Variants in HERC2 observed in about 807,000 individuals in gnomAD.
HERC2 encodes HECT and RLD domain containing E3 ubiquitin protein ligase 2.
Under a neutral mutation model 537.7 loss-of-function variants are expected in HERC2, and 102 were observed. That is an observed-to-expected ratio of 0.19 (90% CI 0.16 to 0.22). The LOEUF is 0.22. HERC2 is among the 10% of genes least tolerant of loss of function. The pLI, the probability that HERC2 is intolerant of heterozygous loss-of-function variation, is 1.00. For synonymous variants in HERC2, 2,224 were observed against 2,466.2 expected, an observed-to-expected ratio of 0.90 and a Z score of 2.91; for missense variants, 4,236 against 6,198.2, an observed-to-expected ratio of 0.68 and a Z score of 10.63.
intron 19 of HERC2, 88 bp downstream of exon 19, chr15:28,255,784 T>C (rs186666716): frequency 1.4e-4 from 196 of 1,382,304 alleles, no homozygotes; most frequent in Non-Finnish European, 1.9e-4. Context: ...TTTAGAGTTT[T>C]ACTGTTTTCA....
At chr15:28,118,521 T>G (rs1335611612) in intron 86 of HERC2, 1 of 152,228 alleles carries the variant, frequency 6.6e-6, no homozygotes, top group African/African-American at 2.4e-5. Context: ...TAAAAAAGTT[T>G]TTATGTAGTG....
Position 28,196,306 on chromosome 15 carries a change from G to C in HERC2, c.8169C>G (p.Cys2723Trp). 1 of 1,446,800 alleles carries C rather than the reference G, an allele frequency of 6.9e-7. No individual in the cohort carries two copies. Among genetic ancestry groups the C allele is most frequent in the Non-Finnish European group, 9.6e-7 (1 of 1,041,736 alleles). 89.6% of individuals were successfully genotyped at this position (1,446,800 alleles called of 1,614,324 possible). The change falls in exon 52 of 93, where the codon TGC becomes TGG. Residue 2723 changes from cysteine to tryptophan, a missense_variant. By Grantham distance (215) the Cys-to-Trp change is radical (BLOSUM62 -2). Around this residue, in one of 27 missense-constraint regions of HERC2, gnomAD observed 606 missense variants for 884.5 expected, o/e 0.69. Coordinates refer to ENST00000261609, the MANE Select transcript of HERC2 (RefSeq NM_004667.6). ...AAAAATCAAAGTCATCACAGTTTCTGCATTTGAATCTGGATCCATTGATAG... is the reference window on the plus strand; with the variant it reads ...AAAAATCAAAGTCATCACAGTTTCTCCATTTGAATCTGGATCCATTGATAG... ...MFPINGSRFK[C>W]RNCDDFDFCE...
At chr15:28,291,068 C>T (rs1464317393) in intron 4 of HERC2, among the ~76,000 whole-genome samples, 1 of 152,252 alleles carries the variant, frequency 6.6e-6, no homozygotes, top group Middle Eastern at 3.4e-3. Flanking sequence ...CTGATCCAAA[C>T]GGAAAGAGAG....
At position 28,121,439 on chromosome 15, in the gene HERC2, A is replaced by G; in HGVS notation, c.13189-10T>C. The G allele has an allele frequency of 6.2e-7, 1 of 1,607,376 alleles. No individual in the cohort carries two copies. The highest frequency in any genetic ancestry group is 1.1e-5 in the South Asian group (1 of 90,948). On this transcript the variant is annotated splice_polypyrimidine_tract_variant and intron_variant, in intron 85 of 92. Transcript: ENST00000261609. Reference sequence around the variant, plus strand: ...TCCGGAAAGCCGCCTCCTAAAACACATCAAACAGACAAAATTTAGAATCTG... The same window carrying G: ...TCCGGAAAGCCGCCTCCTAAAACACGTCAAACAGACAAAATTTAGAATCTG...
intron 2 of HERC2, among the ~76,000 whole-genome samples, chr15:28,304,929 T>C (rs1046250970): frequency 8.5e-5 from 12 of 141,740 alleles, no homozygotes; most frequent in African/African-American, 2.3e-4. Context: ...TGTGATCTCA[T>C]TGTTCAATTC....
intron 83 of HERC2, among the ~76,000 whole-genome samples, chr15:28,128,042 C>G (rs1268469310): frequency 6.6e-6 from 1 of 152,166 alleles, no homozygotes; most frequent in African/African-American, 2.4e-5. Flanking sequence ...CTGCATGTCA[C>G]CTGCAAGGAT....
intron 35 of HERC2, among the ~76,000 whole-genome samples, chr15:28,225,696 CAAAAAAAAAAA>C (rs35629645): frequency 5.1e-5 from 3 of 58,828 alleles, no homozygotes; most frequent in Non-Finnish European, 1.2e-4. Flanking sequence ...GACTCCGTCT[CAAAAAAAAAAA>C]AAAAAAAAGA....
chr15:28,262,948 G>A lies in HERC2; in HGVS notation c.2092C>T (p.Arg698Cys). The A allele has an allele frequency of 1.2e-6, 2 of 1,614,138 alleles. No homozygotes were observed. The highest frequency in any genetic ancestry group is 1.7e-6 in the Non-Finnish European group (2 of 1,179,998). Residue 698 changes from arginine to cysteine, a missense_variant, in exon 15 of 93, where the codon CGT (arginine) becomes TGT (cysteine). By Grantham distance (180) the Arg-to-Cys change is radical (BLOSUM62 -3). This residue lies in a region of HERC2 where 754 missense variants were observed against 1,085.0 expected (regional missense o/e 0.69). Transcript: ENST00000261609. ...AAGCCTTCTAAGAGTTTTGGATAAC[G>A]AACATGTTCCTCTGTTCCATGTCCA... Reference protein sequence around the residue: ...RLGHGTEEHVRYPKLLEGLQG... With the variant: ...RLGHGTEEHVCYPKLLEGLQG...
intron 20 of HERC2, among the ~76,000 whole-genome samples, chr15:28,249,603 C>T (rs567329651): frequency 6.6e-6 from 1 of 152,234 alleles, no homozygotes; most frequent in South Asian, 2.1e-4. Context: ...AATGCCAACC[C>T]ACCAAGGTTA....
intron 23 of HERC2, 40 bp downstream of exon 23, chr15:28,245,841 A>G (rs1903656796): frequency 3.2e-6 from 5 of 1,549,228 alleles, no homozygotes; most frequent in Non-Finnish European, 4.4e-6. Context: ...GACAAGGACA[A>G]TAAAACTTTC....
Position 28,215,806 on chromosome 15 carries a change from C to A in HERC2, c.6029-4G>T. On this transcript the variant is annotated splice_polypyrimidine_tract_variant and splice_region_variant and intron_variant, in intron 38 of 92. Coordinates refer to ENST00000261609, the MANE Select transcript of HERC2 (RefSeq NM_004667.6). ...TACACCAGCCTGTTTGGAGAAGCTGCAGGAGGGAAAATAGACATGCTTGGT... is the reference window on the plus strand; with the variant it reads ...TACACCAGCCTGTTTGGAGAAGCTGAAGGAGGGAAAATAGACATGCTTGGT... The A allele has an allele frequency of 6.3e-7, 1 of 1,584,036 alleles. No homozygotes were observed. The highest frequency in any genetic ancestry group is 8.6e-7 in the Non-Finnish European group (1 of 1,159,560).
In HERC2 at chr15:28,117,325, C is replaced by T. The variant is rs115860188; in HGVS notation, c.13273-171G>A. 827 of 737,038 alleles carry T rather than the reference C, an allele frequency of 1.1e-3. 10 individuals are homozygous for T. In the African/African-American group the frequency reaches 0.013, roughly 11 times the overall value. The allele number at this position is 737,038 out of a possible 1,614,324, so 45.7% of individuals were successfully genotyped here. On this transcript the variant is annotated intron_variant, in intron 86 of 92. Coordinates refer to ENST00000261609, the MANE Select transcript of HERC2 (RefSeq NM_004667.6). ...GGCAGACCCTGCCGTCTGGGGCGCT[C>T]GACTGTGGACACCCGAGACCGCTGC...
intron 4 of HERC2, among the ~76,000 whole-genome samples, chr15:28,281,452 A>G (rs1189156141): frequency 1.3e-5 from 2 of 152,178 alleles, no homozygotes; most frequent in African/African-American, 4.8e-5. Context: ...CCAGCCTCGC[A>G]GCCCTGGATC....
At chr15:28,282,991 T>C (rs2076062294) in intron 4 of HERC2, among the ~76,000 whole-genome samples, 2 of 119,576 alleles carry the variant, frequency 1.7e-5, no homozygotes, top group Non-Finnish European at 3.2e-5. Flanking sequence ...CGGGACTGGA[T>C]GGGACGGGAT....
intron 20 of HERC2, among the ~76,000 whole-genome samples, chr15:28,250,002 A>G (rs1904129572): frequency 6.6e-6 from 1 of 152,120 alleles, no homozygotes; most frequent in Non-Finnish European, 1.5e-5. Context: ...CAGACAGGAC[A>G]TGGGAACACG....
At chr15:28,165,895 C>T (rs1213419148) in intron 68 of HERC2, among the ~76,000 whole-genome samples, 1 of 152,198 alleles carries the variant, frequency 6.6e-6, no homozygotes, top group Non-Finnish European at 1.5e-5. Flanking sequence ...GCAACAAGCA[C>T]ACAAAGGGCC....
At chr15:28,306,246 T>C (rs569566970) in intron 2 of HERC2, among the ~76,000 whole-genome samples, 33 of 152,374 alleles carry the variant, frequency 2.2e-4, no homozygotes, top group Non-Finnish European at 4.3e-4. Flanking sequence ...GTGTTCCTTC[T>C]ATAACCAGTT....
rs556347296 is a variant in HERC2 at position 28,313,664 on chromosome 15, C to A, written c.72+7698G>T. ...AAGGTATATGGCTTTTTTTCTTAAA[C>A]CTACAGAAAAATACTAAACATCTAT... On this transcript the variant is annotated intron_variant, in intron 2 of 92. Transcript: ENST00000261609. Among the ~76,000 whole-genome samples the A allele has an allele frequency of 7.2e-5, 11 of 152,000 alleles. No homozygotes were observed. In the East Asian group the frequency reaches 1.7e-3, roughly 24 times the overall value.
chr15:28,278,534 GT>G (rs2075938845), intron 5 of HERC2, among the ~76,000 whole-genome samples: 1 of 151,766 alleles, frequency 6.6e-6, no homozygotes, highest in South Asian at 2.1e-4. Flanking sequence ...TCGATCCATA[GT>G]TGGTTGAATC....
Sources: gnomAD v4.1 joint callset for allele counts (sites outside exome capture counted in the v4.1 genomes callset) on GRCh38, gnomAD v4.1.1 for gene constraint, gnomAD v4.1.1 regional missense constraint, MANE v1.5 for transcripts, NCBI Gene and HGNC (gene_info 2026-07-23, HGNC 2026-07-21) for gene names.